The following CADM2 variants were observed in gnomAD, a reference collection of about 807,000 sequenced individuals.
The protein encoded by CADM2 is cell adhesion molecule 2.
CADM2 carries 12 observed loss-of-function variants against 49.8 expected under a neutral mutation model. That is an observed-to-expected ratio of 0.24 (90% confidence interval 0.15 to 0.39). CADM2 has a LOEUF of 0.39. CADM2 is among the 10% of genes least tolerant of loss of function. The probability of loss-of-function intolerance (pLI) is 1.00; values close to 1 mark genes in which losing one functional copy is unlikely to be tolerated. For synonymous variants in CADM2, 214 were observed against 175.4 expected, an observed-to-expected ratio of 1.22 and a Z score of -1.74; for missense variants, 378 against 492.3, an observed-to-expected ratio of 0.77 and a Z score of 2.20.
At chr3:85,323,599 A>G (rs955836921) in intron 1 of CADM2, among the ~76,000 whole-genome samples, 9 of 152,032 alleles carry the variant, frequency 5.9e-5, no homozygotes, top group African/African-American at 1.9e-4. Flanking sequence ...ACTAAACAAG[A>G]CCCTTCTGTC....
intron 8 of CADM2, among the ~76,000 whole-genome samples, chr3:85,971,096 C>T (rs1726067934): frequency 6.6e-6 from 1 of 151,404 alleles, no homozygotes; most frequent in African/African-American, 2.4e-5. Flanking sequence ...TTTAAAATAA[C>T]ATACATATTA....
At chr3:85,494,019 T>C (rs2039783588) in intron 1 of CADM2, among the ~76,000 whole-genome samples, 1 of 152,318 alleles carries the variant, frequency 6.6e-6, no homozygotes, top group Middle Eastern at 3.4e-3. Context: ...CCACGAGTTA[T>C]AAGTTTTGGT....
intron 2 of CADM2, among the ~76,000 whole-genome samples, chr3:85,740,237 T>C (rs1271919309): frequency 6.6e-6 from 1 of 152,218 alleles, no homozygotes; most frequent in Non-Finnish European, 1.5e-5. Flanking sequence ...CTATTGCTAC[T>C]CATTTGATCT....
At chr3:85,139,848 T>G (rs77578839) in intron 1 of CADM2, among the ~76,000 whole-genome samples, 2,660 of 151,742 alleles carry the variant, frequency 0.018, 36 homozygotes, top group Non-Finnish European at 0.028. Context: ...CTTATAAGGG[T>G]TTTTTCAAGG....
At chr3:85,102,286 A>G (rs2038044800) in intron 1 of CADM2, among the ~76,000 whole-genome samples, 1 of 152,192 alleles carries the variant, frequency 6.6e-6, no homozygotes, top group Non-Finnish European at 1.5e-5. Flanking sequence ...TGGGTCATGA[A>G]TAAATGAACA....
At chr3:85,510,730 A>C (rs999185920) in intron 1 of CADM2, among the ~76,000 whole-genome samples, 5 of 151,936 alleles carry the variant, frequency 3.3e-5, no homozygotes, top group Non-Finnish European at 7.4e-5. Context: ...TTGCTTTCCT[A>C]TGTGATTAGT....
intron 1 of CADM2, among the ~76,000 whole-genome samples, chr3:85,375,763 T>G (rs2033558473): frequency 6.6e-6 from 1 of 152,226 alleles, no homozygotes; most frequent in Admixed American, 6.5e-5. Flanking sequence ...TTTCATGACT[T>G]GGTTCCCAAT....
chr3:85,718,909 ATTATTATTATT>A (rs2067398767), intron 1 of CADM2, among the ~76,000 whole-genome samples: 1 of 147,384 alleles, frequency 6.8e-6, no homozygotes, highest in Non-Finnish European at 1.5e-5. Flanking sequence ...TATTATTATT[ATTATTATTATT>A]ATTATTTTGA....
At chr3:85,617,353 A>G (rs2063827999) in intron 1 of CADM2, among the ~76,000 whole-genome samples, 3 of 152,102 alleles carry the variant, frequency 2.0e-5, no homozygotes, top group Admixed American at 6.6e-5. Flanking sequence ...TTACAAAGAT[A>G]TTTTAAAGCA....
intron 1 of CADM2, among the ~76,000 whole-genome samples, chr3:85,334,278 G>T (rs1313494957): frequency 6.6e-6 from 1 of 151,354 alleles, no homozygotes; most frequent in African/African-American, 2.4e-5. Flanking sequence ...AATAGCAATA[G>T]GTATCAACAA....
chr3:85,080,940 AG>A (rs1365909823), intron 1 of CADM2, among the ~76,000 whole-genome samples: 1 of 152,114 alleles, frequency 6.6e-6, no homozygotes, highest in Admixed American at 6.6e-5. Context: ...TTACATATAT[AG>A]GTCAGGGAAA....
chr3:85,887,986 C>T (rs1015175070), intron 5 of CADM2, among the ~76,000 whole-genome samples: 10 of 152,172 alleles, frequency 6.6e-5, no homozygotes, highest in East Asian at 3.8e-4. Context: ...AACTCTTACA[C>T]GTCACATATT....
chr3:85,062,643 G>A (rs1310168680), intron 1 of CADM2, among the ~76,000 whole-genome samples: 1 of 151,476 alleles, frequency 6.6e-6, no homozygotes, highest in Non-Finnish European at 1.5e-5. Flanking sequence ...ATCAATATAA[G>A]GGGTGGAATA....
At chr3:85,803,547 A>G (rs1203545430) in intron 3 of CADM2, among the ~76,000 whole-genome samples, 1 of 128,602 alleles carries the variant, frequency 7.8e-6, no homozygotes, top group Non-Finnish European at 1.7e-5. Context: ...ATTGATCGAT[A>G]TTTATTTTAA....
chr3:85,687,776 T>A (rs994381928), intron 1 of CADM2, among the ~76,000 whole-genome samples: 2 of 152,120 alleles, frequency 1.3e-5, no homozygotes, highest in Admixed American at 6.6e-5. Context: ...AGAGATAGTT[T>A]TTTCTAGAGC....
intron 6 of CADM2, among the ~76,000 whole-genome samples, chr3:85,930,260 A>C (rs1480166685): frequency 6.6e-6 from 1 of 152,130 alleles, no homozygotes; most frequent in Non-Finnish European, 1.5e-5. Context: ...AATGCAGATT[A>C]TTTGTAACAG....
intron 8 of CADM2, among the ~76,000 whole-genome samples, chr3:86,033,507 G>A (rs1734784323): frequency 6.6e-6 from 1 of 151,522 alleles, no homozygotes; most frequent in Non-Finnish European, 1.5e-5. Context: ...TAGGTGTGGG[G>A]AGTTTTATTT....
chr3:85,357,162 T>A (rs1261341339), intron 1 of CADM2, among the ~76,000 whole-genome samples: 2 of 152,156 alleles, frequency 1.3e-5, no homozygotes, highest in Non-Finnish European at 2.9e-5. Flanking sequence ...ACAAGATACC[T>A]AGTCCTTTAT....
intron 1 of CADM2, among the ~76,000 whole-genome samples, chr3:85,168,566 G>T (rs542488355): frequency 2.0e-5 from 3 of 151,956 alleles, no homozygotes; most frequent in Non-Finnish European, 4.4e-5. Flanking sequence ...CATTTTTATT[G>T]TATTAGTCAA....
Sources: allele counts gnomAD v4.1 joint callset (sites outside exome capture counted in the v4.1 genomes callset), GRCh38; gene constraint gnomAD v4.1.1; transcripts MANE v1.5; gene names NCBI Gene and HGNC (gene_info 2026-07-23, HGNC 2026-07-21).